KATNIP: variants seen among roughly 807,000 people sequenced by gnomAD.
KATNIP encodes katanin-interacting protein.
KATNIP carries 126 observed loss-of-function variants against 174.0 expected under a neutral mutation model. The observed-to-expected ratio is 0.72, with a 90% CI of 0.63 to 0.84. The LOEUF (loss-of-function observed/expected upper bound fraction) is 0.84, where lower values mean the gene tolerates loss of function less well. Among genes scored for constraint, KATNIP ranks in the 40% least tolerant of loss-of-function variants. The pLI is 0.00. For synonymous variants in KATNIP, 810 were observed against 835.7 expected (o/e 0.97, Z 0.53); for missense variants, 1,958 against 2,109.7 (o/e 0.93, Z 1.41).
At chr16:27,715,604 C>T (rs1159593576) in intron 13 of KATNIP, among the ~76,000 whole-genome samples, 1 of 152,018 alleles carries the variant, frequency 6.6e-6, no homozygotes, top group Non-Finnish European at 1.5e-5. Flanking sequence ...AAAAGATGAA[C>T]AACCCAATTA....
At chr16:27,664,094 G>A (rs2077610733) in intron 6 of KATNIP, among the ~76,000 whole-genome samples, 1 of 152,144 alleles carries the variant, frequency 6.6e-6, no homozygotes. Context: ...TTACAGGCAT[G>A]AGCCACCATG....
In KATNIP at chr16:27,637,339, C is replaced by G. The variant is rs889860055; in HGVS notation, c.408+6177C>G. 6.6e-6 allele frequency among the ~76,000 whole-genome samples: 1 copy of G among 152,136 alleles called. No individual in the cohort carries two copies. Among genetic ancestry groups the G allele is most frequent in the African/African-American group, 2.4e-5 (1 of 41,418 alleles). On this transcript the variant is annotated intron_variant, in intron 5 of 27. Transcript: ENST00000261588. The surrounding 1 kb of genome is among the most constrained non-coding windows in gnomAD (Gnocchi z 4.7). The stretch of plus-strand genomic sequence containing the variant: ...TTTGGCACTTACAGATGCCGGGTTC[C>G]AAGCAATAAGTGAGGCCAGCCCTGC...
At chr16:27,726,928 A>G (rs1218647435) in intron 14 of KATNIP, among the ~76,000 whole-genome samples, 2 of 152,236 alleles carry the variant, frequency 1.3e-5, no homozygotes, top group Non-Finnish European at 2.9e-5. Flanking sequence ...CCTGTGGGCC[A>G]GCAGGTTTGG....
chr16:27,713,852 A>ATG, intron 13 of KATNIP, among the ~76,000 whole-genome samples: 1 of 73,918 alleles, frequency 1.4e-5, no homozygotes, highest in Non-Finnish European at 2.6e-5. Context: ...ATATATATAT[A>ATG]TATATCTATC....
intron 6 of KATNIP, among the ~76,000 whole-genome samples, chr16:27,651,210 C>T (rs536714679): frequency 1.6e-4 from 25 of 152,326 alleles, no homozygotes; most frequent in African/African-American, 5.8e-4. Context: ...GCACATACTC[C>T]GCATAGGCAT....
chr16:27,638,677 G>A (rs534846594), intron 5 of KATNIP, among the ~76,000 whole-genome samples: 12 of 152,100 alleles, frequency 7.9e-5, no homozygotes, highest in South Asian at 2.1e-4. Context: ...CCACACGGTC[G>A]CCTTGTGTAT....
chr16:27,704,271 A>G (rs1308565182), intron 12 of KATNIP, among the ~76,000 whole-genome samples: 2 of 152,236 alleles, frequency 1.3e-5, no homozygotes, highest in Admixed American at 6.5e-5. Flanking sequence ...AATGTCCAAC[A>G]TCGCTGGCAA....
At chr16:27,727,121 G>T in intron 14 of KATNIP, 1 of 164,396 alleles carries the variant, frequency 6.1e-6, no homozygotes, top group South Asian at 1.4e-4. Context: ...CTGTACGAGG[G>T]TCAGCTATTA....
intron 14 of KATNIP, among the ~76,000 whole-genome samples, chr16:27,728,569 T>C (rs2080539733): frequency 6.6e-6 from 1 of 152,240 alleles, no homozygotes; most frequent in Admixed American, 6.5e-5. Context: ...TTGCTGGGAC[T>C]ACAGGCACGC....
chr16:27,737,780 C>T (rs1351969506), intron 14 of KATNIP, among the ~76,000 whole-genome samples: 1 of 152,150 alleles, frequency 6.6e-6, no homozygotes, highest in Non-Finnish European at 1.5e-5. Flanking sequence ...GGAGAAATTC[C>T]TATTGCGTAT....
At chr16:27,695,961 A>G (rs1389726987) in intron 8 of KATNIP, among the ~76,000 whole-genome samples, 1 of 152,186 alleles carries the variant, frequency 6.6e-6, no homozygotes, top group Non-Finnish European at 1.5e-5. Flanking sequence ...GGAAGCCTTC[A>G]TATAATTTTA....
chr16:27,582,900 G>A lies in KATNIP; in HGVS notation c.63+8944G>A, dbSNP rs2090751941. On this transcript the variant is annotated intron_variant, in intron 2 of 27. Coordinates refer to ENST00000261588, the MANE Select transcript of KATNIP (RefSeq NM_015202.5). Reference sequence around the variant, plus strand: ...CAAAGCTAATCCCTTGAAAGTCACAGGTGGAGAAGTCTTGCTGAGAAAGAG... The same window carrying A: ...CAAAGCTAATCCCTTGAAAGTCACAAGTGGAGAAGTCTTGCTGAGAAAGAG... Among the ~76,000 whole-genome samples, 3 of 152,190 alleles carry A rather than the reference G, an allele frequency of 2.0e-5. No homozygotes were observed. The South Asian group carries it at 6.2e-4, about 32-fold the overall frequency.
intron 14 of KATNIP, among the ~76,000 whole-genome samples, chr16:27,737,978 G>A (rs2080958776): frequency 6.6e-6 from 1 of 152,158 alleles, no homozygotes; most frequent in South Asian, 2.1e-4. Context: ...CCCAACGGGA[G>A]GAGGAACAAG....
chr16:27,739,198 GGA>G (rs1165156613), intron 14 of KATNIP, among the ~76,000 whole-genome samples: 7 of 152,144 alleles, frequency 4.6e-5, no homozygotes, highest in African/African-American at 1.7e-4. Context: ...GAAGTGTTCT[GGA>G]GAGAGAGGCG....
intron 21 of KATNIP, among the ~76,000 whole-genome samples, chr16:27,770,578 G>A (rs1597419266): frequency 6.6e-6 from 1 of 152,198 alleles, no homozygotes; most frequent in South Asian, 2.1e-4. Flanking sequence ...TGGCTGGGCT[G>A]GTCACTAGGA....
chr16:27,610,476 C>G lies in KATNIP; in HGVS notation c.64-7949C>G, dbSNP rs373157144. 2.6e-5 allele frequency among the ~76,000 whole-genome samples: 4 copies of G among 152,060 alleles called. No individual in the cohort carries two copies. The East Asian group carries it at 5.8e-4, about 22-fold the overall frequency. On this transcript the variant is annotated intron_variant, in intron 2 of 27. Transcript: ENST00000261588. The stretch of plus-strand genomic sequence containing the variant: ...CTGTCCTTTGGGAGGGGTCCAGGTG[C>G]CTTTGATAGTCCGAAGAAAGTTATG...
At chr16:27,593,648 A>G (rs912550922) in intron 2 of KATNIP, among the ~76,000 whole-genome samples, 4 of 152,092 alleles carry the variant, frequency 2.6e-5, no homozygotes, top group Non-Finnish European at 5.9e-5. Flanking sequence ...CTCCTGCCTC[A>G]GCCTCCCATG....
Position 27,740,702 on chromosome 16 carries a change from A to C in KATNIP, c.2405A>C (p.Glu802Ala). The C allele has an allele frequency of 6.2e-7, 1 of 1,614,188 alleles. No homozygotes were observed. Among genetic ancestry groups the C allele is most frequent in the South Asian group, 1.1e-5 (1 of 91,068 alleles). The change falls in exon 15 of 28, where the codon GAG (glutamate) becomes GCG (alanine). Residue 802 changes from glutamate to alanine, a missense_variant. Around this residue, in one of 3 missense-constraint regions of KATNIP, gnomAD observed 1,557 missense variants for 1,617.8 expected, o/e 0.96. Coordinates refer to ENST00000261588, the MANE Select transcript of KATNIP (RefSeq NM_015202.5). Reference sequence around the variant, plus strand: ...ATCGGTGAGGGTCCTGGAGAGACCGAGGCCAGGGATAAAGGCCTACGGCAT... The same window carrying C: ...ATCGGTGAGGGTCCTGGAGAGACCGCGGCCAGGGATAAAGGCCTACGGCAT... Reference protein sequence around the residue: ...DVIGEGPGETEARDKGLRHEP... With the variant: ...DVIGEGPGETAARDKGLRHEP...
intron 8 of KATNIP, among the ~76,000 whole-genome samples, chr16:27,690,810 T>C (rs12929558): frequency 0.19 from 29,239 of 152,088 alleles, 3,144 homozygotes; most frequent in African/African-American, 0.3. Context: ...AACTGGAGCA[T>C]TTCAGCCCTG....
Sources: gnomAD v4.1 joint callset for allele counts (sites outside exome capture counted in the v4.1 genomes callset) on GRCh38, gnomAD v4.1.1 for gene constraint, gnomAD v4.1.1 regional missense constraint, Gnocchi (gnomAD v3.1) non-coding constraint, MANE v1.5 for transcripts, NCBI Gene and HGNC (gene_info 2026-07-23, HGNC 2026-07-21) for gene names.